Variants in GFRA1 observed in about 807,000 individuals in gnomAD.
GFRA1 encodes the protein GDNF family receptor alpha 1.
Under a neutral mutation model 51.6 loss-of-function variants are expected in GFRA1, and 16 were observed. The observed-to-expected ratio is 0.31, with a 90% CI of 0.21 to 0.47. The LOEUF is 0.47. GFRA1 is among the 20% of genes least tolerant of loss of function. The probability of loss-of-function intolerance (pLI) is 1.00; values close to 1 mark genes in which losing one functional copy is unlikely to be tolerated. For synonymous variants in GFRA1, 270 were observed against 241.3 expected, an observed-to-expected ratio of 1.12 and a Z score of -1.10; for missense variants, 530 against 594.3, an observed-to-expected ratio of 0.89 and a Z score of 1.13.
In GFRA1 at chr10:116,125,333, C is replaced by T. The variant is rs771061574; in HGVS notation, c.658G>A (p.Ala220Thr). 3.3e-5 allele frequency: 53 copies of T among 1,614,108 alleles called. No individual in the cohort carries two copies. The highest frequency in any genetic ancestry group is 4.2e-5 in the Non-Finnish European group (50 of 1,180,046). ...GMLFCSCRDIACTERRRQTIV... is the reference protein window; with the variant it reads ...GMLFCSCRDITCTERRRQTIV... ...GTCTGTCGCCTCCGCTCTGTGCAGG[C>T]GATGTCCCGGCAGGAGCAGAAGAGC... The change falls in exon 6 of 11, where the codon GCC becomes ACC. Residue 220 changes from alanine (A) to threonine (T), a missense_variant. Coordinates refer to ENST00000355422, the MANE Select transcript of GFRA1 (RefSeq NM_005264.8).
intron 6 of GFRA1, among the ~76,000 whole-genome samples, chr10:116,109,756 G>A (rs1029489480): frequency 1.3e-5 from 2 of 152,178 alleles, no homozygotes; most frequent in African/African-American, 2.4e-5. Flanking sequence ...TGGCCTGGCC[G>A]GGACGACCAT....
chr10:116,243,074 T>TTA (rs1328786415), intron 4 of GFRA1, among the ~76,000 whole-genome samples: 3 of 152,222 alleles, frequency 2.0e-5, no homozygotes, highest in Non-Finnish European at 4.4e-5. Context: ...ACGTCATTTC[T>TTA]TATATTGCAT....
At chr10:116,101,373 A>G (rs542594535) in intron 6 of GFRA1, among the ~76,000 whole-genome samples, 2 of 152,332 alleles carry the variant, frequency 1.3e-5, no homozygotes, top group East Asian at 3.9e-4. Context: ...AAGGAAATGA[A>G]TAGGTACTAA....
chr10:116,218,231 C>A (rs546513640), intron 4 of GFRA1, among the ~76,000 whole-genome samples: 113 of 152,250 alleles, frequency 7.4e-4, no homozygotes, highest in African/African-American at 2.6e-3. Context: ...TCTGGACCTG[C>A]CTTCGTTTCT....
At chr10:116,225,465 G>A (rs1019331981) in intron 4 of GFRA1, among the ~76,000 whole-genome samples, 1 of 148,990 alleles carries the variant, frequency 6.7e-6, no homozygotes, top group Admixed American at 6.7e-5. Flanking sequence ...AACCTGGGAG[G>A]GTGAGGTTGC....
intron 9 of GFRA1, among the ~76,000 whole-genome samples, chr10:116,072,439 A>C (rs1386617396): frequency 6.6e-6 from 1 of 152,150 alleles, no homozygotes; most frequent in South Asian, 2.1e-4. Flanking sequence ...TGCTCCTGGT[A>C]CTGGCTTGAC....
intron 5 of GFRA1, among the ~76,000 whole-genome samples, chr10:116,142,095 G>A (rs1294850143): frequency 6.6e-6 from 1 of 150,982 alleles, no homozygotes; most frequent in Admixed American, 6.7e-5. Context: ...CCATTAGTAC[G>A]AATGGTTGCT....
intron 5 of GFRA1, among the ~76,000 whole-genome samples, chr10:116,135,375 G>A (rs1958280087): frequency 1.3e-5 from 2 of 152,198 alleles, no homozygotes; most frequent in African/African-American, 4.8e-5. Flanking sequence ...CTGCAGGAGT[G>A]CATGAAATTT....
At chr10:116,266,356 T>A (rs1439622469) in intron 4 of GFRA1, among the ~76,000 whole-genome samples, 1 of 152,216 alleles carries the variant, frequency 6.6e-6, no homozygotes, top group Admixed American at 6.5e-5. Flanking sequence ...GAAGAGATGT[T>A]CTAGAAAGCT....
At chr10:116,164,874 A>G (rs866119068) in intron 5 of GFRA1, among the ~76,000 whole-genome samples, 41 of 152,298 alleles carry the variant, frequency 2.7e-4, no homozygotes, top group African/African-American at 9.1e-4. Flanking sequence ...ACTGCAAAGT[A>G]TCACAGGCAT....
At chr10:116,271,863 A>T in intron 2 of GFRA1, 127 bp downstream of exon 2, 1 of 786,768 alleles carries the variant, frequency 1.3e-6, no homozygotes, top group Non-Finnish European at 2.2e-6. Context: ...CCCCAAAAAG[A>T]CACTTCTTCC....
chr10:116,082,694 G>C (rs1387956603), intron 9 of GFRA1, among the ~76,000 whole-genome samples: 1 of 152,090 alleles, frequency 6.6e-6, no homozygotes, highest in African/African-American at 2.4e-5. Context: ...GGTCAGGCAG[G>C]TCTCAAACTC....
rs1468460829 is a variant in GFRA1 at position 116,064,064 on chromosome 10, CATCATG to C, written c.*328_*333del. On this transcript the variant is annotated 3_prime_UTR_variant, in exon 11 of 11. Transcript: ENST00000355422. ...TCATCATCATGATCATGATGATCAT[CATCATG>C]ATCATGATGATCATCATCATGATCA... 3 of 135,584 alleles carry C rather than the reference CATCATG, an allele frequency of 2.2e-5. No homozygotes were observed. The highest frequency in any genetic ancestry group is 7.9e-5 in the African/African-American group (1 of 12,688). The allele number at this position is 135,584 out of a possible 1,614,324, so 8.4% of individuals were successfully genotyped here. A position where few individuals can be genotyped will look rare whatever the true frequency, so the allele number is the denominator to read the frequency against.
intron 9 of GFRA1, among the ~76,000 whole-genome samples, chr10:116,082,894 T>C (rs1034320243): frequency 1.3e-5 from 2 of 152,174 alleles, no homozygotes; most frequent in Non-Finnish European, 2.9e-5. Context: ...CAGCCTCCTG[T>C]GTCAAAATCT....
intron 5 of GFRA1, among the ~76,000 whole-genome samples, chr10:116,209,985 G>C (rs961383240): frequency 4.6e-5 from 7 of 152,130 alleles, no homozygotes; most frequent in African/African-American, 7.2e-5. Context: ...CTGACACACA[G>C]AGCAACGGGT....
intron 5 of GFRA1, among the ~76,000 whole-genome samples, chr10:116,159,726 G>A (rs1187916144): frequency 3.3e-5 from 5 of 152,146 alleles, no homozygotes; most frequent in African/African-American, 1.2e-4. Flanking sequence ...GCGGCTGCAC[G>A]GAAGGCTGAG....
At chr10:116,077,047 T>A (rs1955647524) in intron 9 of GFRA1, among the ~76,000 whole-genome samples, 1 of 152,122 alleles carries the variant, frequency 6.6e-6, no homozygotes, top group Non-Finnish European at 1.5e-5. Context: ...TATTTGGAGG[T>A]ATTCATAAGA....
At chr10:116,147,171 G>A (rs1301855889) in intron 5 of GFRA1, among the ~76,000 whole-genome samples, 5 of 152,140 alleles carry the variant, frequency 3.3e-5, no homozygotes, top group Non-Finnish European at 5.9e-5. Flanking sequence ...CCATTAAGAG[G>A]TAGAGATAGA....
intron 6 of GFRA1, among the ~76,000 whole-genome samples, chr10:116,124,695 G>A (rs1427215488): frequency 2.0e-5 from 3 of 152,186 alleles, no homozygotes; most frequent in Non-Finnish European, 4.4e-5. Context: ...TGAGCTAAGT[G>A]GGAAGGTGAC....
Sources: gnomAD v4.1 joint callset for allele counts (sites outside exome capture counted in the v4.1 genomes callset) on GRCh38, gnomAD v4.1.1 for gene constraint, MANE v1.5 for transcripts, NCBI Gene and HGNC (gene_info 2026-07-23, HGNC 2026-07-21) for gene names.